Variants in PARD3B observed in about 807,000 individuals in gnomAD.
PARD3B encodes the protein par-3 family cell polarity regulator beta.
Under a neutral mutation model 130.2 loss-of-function variants are expected in PARD3B, and 103 were observed. The ratio of observed to expected loss-of-function variants is 0.79; its 90% CI spans 0.67 to 0.93. The LOEUF (loss-of-function observed/expected upper bound fraction) is 0.93. Ranked by LOEUF, PARD3B falls within the 40% of genes least tolerant of loss-of-function variation. The probability of loss-of-function intolerance (pLI) is 0.00; values close to 1 mark genes in which losing one functional copy is unlikely to be tolerated. For missense variants in PARD3B, 1,609 were observed against 1,499.2 expected (o/e 1.07, Z -1.21); for synonymous variants, 583 against 553.2 (o/e 1.05, Z -0.76).
In PARD3B at chr2:205,559,618, A is replaced by T. The variant is rs867163048; in HGVS notation, c.3260+6215A>T. 6.1e-3 allele frequency among the ~76,000 whole-genome samples: 301 copies of T among 49,456 alleles called. 1 individual carries two copies. Among genetic ancestry groups the T allele is most frequent in the Middle Eastern group, 0.061 (4 of 66 alleles). The allele number at this position is 49,456 out of a possible 152,430, so 32.4% of individuals were successfully genotyped here. A position where few individuals can be genotyped will look rare whatever the true frequency, so the allele number is the denominator to read the frequency against. On this transcript the variant is annotated intron_variant, in intron 22 of 22. Transcript: ENST00000406610. The stretch of plus-strand genomic sequence containing the variant: ...AGACTTTTTTTTTTTTTTTTTTTTG[A>T]GACAGAGTCTCACTCTGTTGCCCAG...
chr2:205,400,852 C>T (rs1014778228), intron 18 of PARD3B, among the ~76,000 whole-genome samples, 161 bp from the exon 19 acceptor site: 1 of 152,118 alleles, frequency 6.6e-6, no homozygotes, highest in Admixed American at 6.6e-5. Context: ...CATTATTTTT[C>T]TGCTTTCATT....
intron 21 of PARD3B, among the ~76,000 whole-genome samples, chr2:205,521,501 T>TTGAC (rs2106399346): frequency 6.6e-6 from 1 of 152,162 alleles, no homozygotes; most frequent in South Asian, 2.1e-4. Flanking sequence ...ACCTGGGATA[T>TTGAC]TGACTAGTTT....
intron 4 of PARD3B, among the ~76,000 whole-genome samples, chr2:205,080,753 G>A (rs1416201683): frequency 6.6e-6 from 1 of 152,116 alleles, no homozygotes; most frequent in Non-Finnish European, 1.5e-5. Context: ...CCAGCAGTAT[G>A]AGACAGTAGG....
chr2:205,016,492 A>G (rs1319671084), intron 3 of PARD3B, among the ~76,000 whole-genome samples: 3 of 152,126 alleles, frequency 2.0e-5, no homozygotes, highest in African/African-American at 7.2e-5. Flanking sequence ...ATGGCTTTTT[A>G]GTCCACTGAT....
At chr2:205,409,449 C>T (rs1211505457) in intron 19 of PARD3B, among the ~76,000 whole-genome samples, 1 of 152,158 alleles carries the variant, frequency 6.6e-6, no homozygotes, top group Admixed American at 6.5e-5. Flanking sequence ...ATCTCTGTAA[C>T]ACCTATCTTC....
At chr2:204,854,046 G>A (rs1277201929) in intron 2 of PARD3B, among the ~76,000 whole-genome samples, 1 of 152,110 alleles carries the variant, frequency 6.6e-6, no homozygotes, top group Admixed American at 6.6e-5. Context: ...TTGGTAGAGA[G>A]AGGAGCATTT....
At chr2:205,456,240 C>T (rs2048271218) in intron 20 of PARD3B, among the ~76,000 whole-genome samples, 1 of 152,024 alleles carries the variant, frequency 6.6e-6, no homozygotes, top group Non-Finnish European at 1.5e-5. Context: ...TATGGATGTA[C>T]CATTTGCTTA....
intron 15 of PARD3B, among the ~76,000 whole-genome samples, chr2:205,201,378 T>C (rs1247719667): frequency 6.6e-6 from 1 of 152,050 alleles, no homozygotes; most frequent in Non-Finnish European, 1.5e-5. Flanking sequence ...ATGTTTGGTA[T>C]GAAAGGAAAA....
rs144837425 is a variant in PARD3B at position 205,015,314 on chromosome 2, G to A, written c.395-32267G>A. On this transcript the variant is annotated intron_variant, in intron 3 of 22. Transcript: ENST00000406610. The surrounding 1 kb of genome is among the most constrained non-coding windows in gnomAD (Gnocchi z 4.5). Reference sequence around the variant, plus strand: ...TCTTCATCCTCATCATCTGCCTGTTGAGTAGATGGAGGAAGAGAAGGGGTT... The same window carrying A: ...TCTTCATCCTCATCATCTGCCTGTTAAGTAGATGGAGGAAGAGAAGGGGTT... Among the ~76,000 whole-genome samples the A allele has an allele frequency of 6.8e-3, 1,041 of 152,260 alleles. 9 individuals carry two copies. The highest frequency in any genetic ancestry group is 0.023 in the African/African-American group (963 of 41,548).
intron 3 of PARD3B, among the ~76,000 whole-genome samples, chr2:205,019,641 A>G (rs1696446525): frequency 6.6e-6 from 1 of 151,960 alleles, no homozygotes; most frequent in South Asian, 2.1e-4. Context: ...CCTCACCAAC[A>G]CTTGTTATGA....
At chr2:204,655,140 C>T (rs1319671001) in intron 1 of PARD3B, among the ~76,000 whole-genome samples, 1 of 152,178 alleles carries the variant, frequency 6.6e-6, no homozygotes. Flanking sequence ...GTACACATCT[C>T]TTCCTGTTGA....
intron 18 of PARD3B, among the ~76,000 whole-genome samples, chr2:205,385,617 G>A (rs185293278): frequency 3.9e-5 from 6 of 151,976 alleles, no homozygotes; most frequent in Admixed American, 6.6e-5. Flanking sequence ...TTTACATCTC[G>A]CCACGCTAAT....
At chr2:204,974,785 G>C (rs947452182) in intron 3 of PARD3B, among the ~76,000 whole-genome samples, 29 of 152,294 alleles carry the variant, frequency 1.9e-4, no homozygotes, top group African/African-American at 6.5e-4. Context: ...TAACGATACA[G>C]TTATGAAAAT....
chr2:204,701,311 T>C (rs1481520574), intron 2 of PARD3B, among the ~76,000 whole-genome samples: 2 of 152,162 alleles, frequency 1.3e-5, no homozygotes, highest in Non-Finnish European at 1.5e-5. Flanking sequence ...TGGGATATTT[T>C]AGGAAAAGGA....
At chr2:205,206,991 A>C (rs1237854924) in intron 15 of PARD3B, among the ~76,000 whole-genome samples, 1 of 147,496 alleles carries the variant, frequency 6.8e-6, no homozygotes, top group East Asian at 2.0e-4. Flanking sequence ...AGCAAATGTA[A>C]AAGAACACAA....
chr2:205,113,421 TGTA>T, intron 5 of PARD3B, 67 bp from the exon 6 acceptor site: 4 of 933,332 alleles, frequency 4.3e-6, no homozygotes, highest in East Asian at 4.8e-5. Context: ...TGTGTGTGTG[TGTA>T]TTTTAGATGT....
At chr2:205,356,477 T>C (rs1196133044) in intron 18 of PARD3B, among the ~76,000 whole-genome samples, 1 of 152,122 alleles carries the variant, frequency 6.6e-6, no homozygotes, top group African/African-American at 2.4e-5. Flanking sequence ...CAGCCTCCCC[T>C]GTAAACCCTA....
intron 18 of PARD3B, among the ~76,000 whole-genome samples, chr2:205,396,624 T>C (rs1198674667): frequency 6.6e-6 from 1 of 152,198 alleles, no homozygotes; most frequent in East Asian, 1.9e-4. Context: ...GCTTCCCAGG[T>C]ACATGTAAAA....
At chr2:205,454,333 A>G (rs1253858908) in intron 20 of PARD3B, among the ~76,000 whole-genome samples, 3 of 152,180 alleles carry the variant, frequency 2.0e-5, no homozygotes, top group African/African-American at 7.2e-5. Context: ...TGTTAGGTCA[A>G]TTGCTTTTCT....
Sources: gnomAD v4.1 joint callset for allele counts (sites outside exome capture counted in the v4.1 genomes callset) on GRCh38, gnomAD v4.1.1 for gene constraint, Gnocchi (gnomAD v3.1) non-coding constraint, MANE v1.5 for transcripts, NCBI Gene and HGNC (gene_info 2026-07-23, HGNC 2026-07-21) for gene names.